Variants in STK32B observed in about 807,000 individuals in gnomAD.
The protein encoded by STK32B is serine/threonine-protein kinase 32B.
A neutral mutation model predicts 52.6 loss-of-function variants in STK32B; 43 were observed. That is an observed-to-expected ratio of 0.82 (90% CI 0.64 to 1.05). The LOEUF (loss-of-function observed/expected upper bound fraction) is 1.05. STK32B is among the 50% of genes least tolerant of loss of function. The pLI, the probability that STK32B is intolerant of heterozygous loss-of-function variation, is 0.00. For synonymous variants in STK32B, 238 were observed against 204.3 expected (o/e 1.17, Z -1.41); for missense variants, 621 against 534.6 (o/e 1.16, Z -1.59).
intron 3 of STK32B, among the ~76,000 whole-genome samples, chr4:5,306,845 TTCTC>T (rs58848472): frequency 0.083 from 12,586 of 152,144 alleles, 820 homozygotes; most frequent in African/African-American, 0.18. Flanking sequence ...TAGTGGCAAA[TTCTC>T]TCAGCATTTG....
intron 4 of STK32B, among the ~76,000 whole-genome samples, chr4:5,389,794 G>T (rs1351975590): frequency 6.6e-6 from 1 of 152,134 alleles, no homozygotes; most frequent in Non-Finnish European, 1.5e-5. Context: ...AGGGCAAAAG[G>T]GACTTTGCAG....
At chr4:5,250,225 C>T (rs955890135) in intron 3 of STK32B, among the ~76,000 whole-genome samples, 1 of 151,644 alleles carries the variant, frequency 6.6e-6, no homozygotes, top group African/African-American at 2.4e-5. Context: ...CATGCATGTG[C>T]CTTTATAATA....
chr4:5,308,987 A>T (rs1730112764), intron 3 of STK32B, among the ~76,000 whole-genome samples: 1 of 152,094 alleles, frequency 6.6e-6, no homozygotes, highest in Non-Finnish European at 1.5e-5. Context: ...ACATGATCTT[A>T]TGTATAGAAA....
At chr4:5,242,174 T>C (rs1201377547) in intron 3 of STK32B, among the ~76,000 whole-genome samples, 7 of 152,120 alleles carry the variant, frequency 4.6e-5, no homozygotes, top group Non-Finnish European at 7.4e-5. Flanking sequence ...AATGGCTGAA[T>C]TAGTTTACAG....
At position 5,456,839 on chromosome 4, in the gene STK32B, C is replaced by T. The variant is rs766199227; in HGVS notation, c.699C>T (p.Ile233=). ...ACGAAATCCACTCGGTCACGCCCAT[C>T]GATGAAATCCTCAACATGTTCAAGG... ...RPYEIHSVTP[I]DEILNMFKVE... The change falls in exon 8 of 12, where the codon ATC becomes ATT. Residue 233 remains isoleucine (I), a synonymous_variant. Coordinates refer to ENST00000282908, the MANE Select transcript of STK32B (RefSeq NM_018401.3). 17 of 1,596,346 alleles carry T rather than the reference C, an allele frequency of 1.1e-5. No homozygotes were observed. In the African/African-American group the frequency reaches 1.5e-4, roughly 14 times the overall value.
intron 3 of STK32B, among the ~76,000 whole-genome samples, chr4:5,171,661 G>A (rs1343273657): frequency 2.0e-5 from 3 of 147,176 alleles, no homozygotes; most frequent in Admixed American, 6.7e-5. Context: ...TGTTCCATTG[G>A]TCTGTATCTC....
chr4:5,168,176 C>T (rs1719036250), intron 2 of STK32B, 123 bp from the exon 3 acceptor site: 3 of 1,312,386 alleles, frequency 2.3e-6, no homozygotes, highest in Non-Finnish European at 2.1e-6. Flanking sequence ...AGCTGCTCCC[C>T]TAGCAGATTT....
chr4:5,290,312 TAACAC>T (rs151000914), intron 3 of STK32B, among the ~76,000 whole-genome samples: 16,206 of 152,198 alleles, frequency 0.11, 890 homozygotes, highest in South Asian at 0.17. Flanking sequence ...TCTTTTGTAA[TAACAC>T]AACGTAAAAC....
intron 3 of STK32B, among the ~76,000 whole-genome samples, chr4:5,280,236 A>G (rs941559263): frequency 1.3e-5 from 2 of 152,142 alleles, no homozygotes. Flanking sequence ...AAGTTCCACA[A>G]ATCTCTAGGG....
intron 1 of STK32B, among the ~76,000 whole-genome samples, chr4:5,123,528 A>G (rs1208532874): frequency 6.6e-6 from 1 of 152,092 alleles, no homozygotes; most frequent in East Asian, 1.9e-4. Flanking sequence ...TATTTCTTGT[A>G]GTTCTGGAGG....
intron 1 of STK32B, among the ~76,000 whole-genome samples, chr4:5,083,707 C>A (rs893141868): frequency 6.6e-6 from 1 of 151,546 alleles, no homozygotes; most frequent in Admixed American, 6.6e-5. Context: ...ATCTATTTTG[C>A]TTCCTTAGAT....
intron 4 of STK32B, among the ~76,000 whole-genome samples, chr4:5,384,514 G>A (rs986851301): frequency 6.6e-6 from 1 of 152,190 alleles, no homozygotes; most frequent in Admixed American, 6.5e-5. Flanking sequence ...CAGAGACACT[G>A]TTAGGGATTG....
At chr4:5,420,489 T>C (rs879405437) in intron 6 of STK32B, among the ~76,000 whole-genome samples, 2 of 152,080 alleles carry the variant, frequency 1.3e-5, no homozygotes, top group South Asian at 2.1e-4. Context: ...GGTCTCTGGA[T>C]TGTGCAGCAG....
intron 3 of STK32B, among the ~76,000 whole-genome samples, chr4:5,312,212 CTTG>C (rs200069716): frequency 0.072 from 10,784 of 149,746 alleles, 404 homozygotes; most frequent in South Asian, 0.098. Flanking sequence ...CAAAGATTTT[CTTG>C]TTGTTTTTCT....
intron 4 of STK32B, among the ~76,000 whole-genome samples, chr4:5,389,706 G>T (rs1736476874): frequency 1.3e-5 from 2 of 152,054 alleles, no homozygotes; most frequent in African/African-American, 4.8e-5. Flanking sequence ...ACCTGGAAGG[G>T]CTGTGCAATA....
chr4:5,043,200 G>A, the STK32B span, among the ~76,000 whole-genome samples: 4 of 151,604 alleles, frequency 2.6e-5, no homozygotes, highest in East Asian at 7.8e-4. Flanking sequence ...GAGGAGAAAG[G>A]AGCTCTTTTC....
intron 1 of STK32B, among the ~76,000 whole-genome samples, chr4:5,127,577 G>A (rs1715482693): frequency 6.6e-6 from 1 of 152,018 alleles, no homozygotes; most frequent in Non-Finnish European, 1.5e-5. Context: ...TAGGGTCTTT[G>A]TATATGTAAG....
Position 5,108,910 on chromosome 4 carries a change from C to T in STK32B, c.53-30995C>T, listed in dbSNP as rs188619035. On this transcript the variant is annotated intron_variant, in intron 1 of 11. Coordinates refer to ENST00000282908, the MANE Select transcript of STK32B (RefSeq NM_018401.3). Reference sequence around the variant, plus strand: ...ATAGTTACGTTACATCTGCAGCACTCATTAGTCTTGAATAATGGAAACCTG... The same window carrying T: ...ATAGTTACGTTACATCTGCAGCACTTATTAGTCTTGAATAATGGAAACCTG... Among the ~76,000 whole-genome samples, 7 of 152,288 alleles carry T rather than the reference C, an allele frequency of 4.6e-5. No individual in the cohort carries two copies. In the East Asian group the frequency reaches 1.3e-3, roughly 29 times the overall value.
At chr4:5,330,560 G>T (rs1254319069) in intron 3 of STK32B, among the ~76,000 whole-genome samples, 2 of 152,172 alleles carry the variant, frequency 1.3e-5, no homozygotes. Flanking sequence ...GATATCTGGG[G>T]TTGCCATGGA....
Sources: gnomAD v4.1 joint callset for allele counts (sites outside exome capture counted in the v4.1 genomes callset) on GRCh38, gnomAD v4.1.1 for gene constraint, MANE v1.5 for transcripts, NCBI Gene and HGNC (gene_info 2026-07-23, HGNC 2026-07-21) for gene names.